The following SDK1 variants were observed in gnomAD, a reference collection of about 807,000 sequenced individuals.
SDK1 encodes the protein sidekick cell adhesion molecule 1, also known as protein sidekick-1.
SDK1 carries 157 observed loss-of-function variants against 245.5 expected under a neutral mutation model. The observed-to-expected ratio is 0.64, with a 90% CI of 0.56 to 0.73. The LOEUF (loss-of-function observed/expected upper bound fraction) is 0.73. Among genes scored for constraint, SDK1 ranks in the 30% least tolerant of loss-of-function variants. SDK1 has a pLI of 0.00. For missense variants in SDK1, 3,583 were observed against 3,002.3 expected (o/e 1.19, Z -4.52); for synonymous variants, 1,647 against 1,278.5 (o/e 1.29, Z -6.15).
intron 4 of SDK1, among the ~76,000 whole-genome samples, chr7:3,681,928 A>C (rs892374863): frequency 6.6e-6 from 1 of 152,196 alleles, no homozygotes; most frequent in East Asian, 1.9e-4. Flanking sequence ...TACAGTCCCT[A>C]TACTGTATGT....
intron 1 of SDK1, among the ~76,000 whole-genome samples, chr7:3,448,635 G>C (rs1416301056): frequency 6.6e-6 from 1 of 151,790 alleles, no homozygotes; most frequent in Non-Finnish European, 1.5e-5. Flanking sequence ...TTCTATATAT[G>C]GTGAGATATG....
intron 5 of SDK1, among the ~76,000 whole-genome samples, chr7:3,941,057 C>A (rs978943116): frequency 4.6e-5 from 7 of 152,012 alleles, no homozygotes; most frequent in Non-Finnish European, 1.0e-4. Flanking sequence ...CTGCCACTCC[C>A]AGACCCCCGT....
At chr7:3,893,147 A>G (rs755693822) in intron 5 of SDK1, among the ~76,000 whole-genome samples, 3 of 152,128 alleles carry the variant, frequency 2.0e-5, no homozygotes, top group Non-Finnish European at 4.4e-5. Flanking sequence ...GGGTAGGATA[A>G]TTATTTTATA....
At chr7:3,317,894 T>C (rs964268801) in intron 1 of SDK1, among the ~76,000 whole-genome samples, 1 of 152,226 alleles carries the variant, frequency 6.6e-6, no homozygotes, top group Non-Finnish European at 1.5e-5. Flanking sequence ...CAGTTTTTAT[T>C]ATGCAGTGCT....
At chr7:3,525,726 C>T (rs754329470) in intron 1 of SDK1, among the ~76,000 whole-genome samples, 16 of 152,090 alleles carry the variant, frequency 1.1e-4, no homozygotes, top group Non-Finnish European at 1.6e-4. Context: ...ATGACTTCTC[C>T]CAAATGCCCT....
Position 3,870,455 on chromosome 7 carries a change from A to T in SDK1, c.847+48872A>T, listed in dbSNP as rs112300507. Among the ~76,000 whole-genome samples the T allele has an allele frequency of 1.2e-3, 178 of 152,216 alleles. 2 individuals are homozygous for T. Among genetic ancestry groups the T allele is most frequent in the African/African-American group, 1.3e-3 (55 of 41,542 alleles). ...AGCGGGTGTCATAATTTTAAAGTAA[A>T]TAGTTTTTATTCCTGTCTCCCACTG... On this transcript the variant is annotated intron_variant, in intron 5 of 44. Transcript: ENST00000404826.
chr7:4,061,871 C>G (rs1462847885), intron 19 of SDK1, among the ~76,000 whole-genome samples: 1 of 150,800 alleles, frequency 6.6e-6, no homozygotes, highest in African/African-American at 2.4e-5. Context: ...TCTCAGTAAA[C>G]TATCGCAAGA....
At chr7:3,580,059 G>T (rs545571625) in intron 1 of SDK1, among the ~76,000 whole-genome samples, 3 of 152,244 alleles carry the variant, frequency 2.0e-5, no homozygotes, top group Admixed American at 6.5e-5. Context: ...CAAACATAAT[G>T]TAATACCTAG....
chr7:3,360,940 A>G (rs1014176812), intron 1 of SDK1, among the ~76,000 whole-genome samples: 2 of 152,222 alleles, frequency 1.3e-5, no homozygotes, highest in African/African-American at 4.8e-5. Context: ...GTTATTCAAC[A>G]CGTTTGAATA....
At chr7:3,660,720 C>T (rs2217608) in intron 4 of SDK1, among the ~76,000 whole-genome samples, 94,119 of 152,096 alleles carry the variant, frequency 0.62, 29,510 homozygotes, top group South Asian at 0.76. Context: ...AGGATGATTT[C>T]TCTTCATGTT....
chr7:3,458,648 A>G (rs1170097958), intron 1 of SDK1, among the ~76,000 whole-genome samples: 1 of 152,128 alleles, frequency 6.6e-6, no homozygotes, highest in Non-Finnish European at 1.5e-5. Flanking sequence ...AGTAGGAGGT[A>G]GATAGAGGTC....
intron 42 of SDK1, among the ~76,000 whole-genome samples, chr7:4,238,288 C>G (rs759992720): frequency 2.6e-5 from 4 of 152,004 alleles, no homozygotes; most frequent in Non-Finnish European, 5.9e-5. Flanking sequence ...CCATGTTGGC[C>G]AGGCTGGTCT....
intron 29 of SDK1, among the ~76,000 whole-genome samples, chr7:4,148,582 G>C (rs73671587): frequency 0.056 from 8,469 of 152,268 alleles, 521 homozygotes; most frequent in African/African-American, 0.15. Flanking sequence ...AAGGTGGACT[G>C]AGCACAACAT....
In SDK1 at chr7:4,025,806, C is replaced by T. The variant is rs182342553; in HGVS notation, c.2602+8454C>T. 1.2e-4 allele frequency among the ~76,000 whole-genome samples: 19 copies of T among 152,350 alleles called. No homozygotes were observed. The East Asian group carries it at 3.7e-3, about 29-fold the overall frequency. ...CCATAGCCTGCCTTCTGCCCTGACTCTTGCTGTCTCGAAGTCTCGGAAGAA... is the reference window on the plus strand; with the variant it reads ...CCATAGCCTGCCTTCTGCCCTGACTTTTGCTGTCTCGAAGTCTCGGAAGAA... On this transcript the variant is annotated intron_variant, in intron 17 of 44. Transcript: ENST00000404826.
At chr7:4,164,673 C>T (rs1256940249) in intron 32 of SDK1, among the ~76,000 whole-genome samples, 1 of 152,226 alleles carries the variant, frequency 6.6e-6, no homozygotes, top group East Asian at 1.9e-4. Flanking sequence ...GATGCGTCAC[C>T]TCCTCCAAAC....
At position 3,339,742 on chromosome 7, in the gene SDK1, A is replaced by T. The variant is rs1357229657; in HGVS notation, c.298+37858A>T. 3.3e-5 allele frequency among the ~76,000 whole-genome samples: 5 copies of T among 152,272 alleles called. No individual in the cohort carries two copies. In the East Asian group the frequency reaches 9.7e-4, roughly 29 times the overall value. Reference sequence around the variant, plus strand: ...GTAGCTTAAAGCAGTCCCAAGAGGGAAATTTATAGCACTGTTATAAATTAA... The same window carrying T: ...GTAGCTTAAAGCAGTCCCAAGAGGGTAATTTATAGCACTGTTATAAATTAA... On this transcript the variant is annotated intron_variant, in intron 1 of 44. Coordinates refer to ENST00000404826, the MANE Select transcript of SDK1 (RefSeq NM_152744.4).
At chr7:3,777,021 C>A (rs1225267837) in intron 4 of SDK1, among the ~76,000 whole-genome samples, 1 of 152,164 alleles carries the variant, frequency 6.6e-6, no homozygotes, top group Non-Finnish European at 1.5e-5. Context: ...TGCCCCAGCG[C>A]CTCAGATACC....
chr7:3,872,580 CTTT>C (rs57740560), intron 5 of SDK1, among the ~76,000 whole-genome samples: 3 of 140,088 alleles, frequency 2.1e-5, no homozygotes, highest in Admixed American at 7.1e-5. Flanking sequence ...TTTTTGGTAT[CTTT>C]TTTTTTTTTT....
intron 43 of SDK1, among the ~76,000 whole-genome samples, chr7:4,243,469 C>T (rs527437056): frequency 1.4e-4 from 21 of 152,278 alleles, no homozygotes; most frequent in Non-Finnish European, 2.8e-4. Flanking sequence ...GTAGTTTATA[C>T]AGGAAAGAGG....
Sources: gnomAD v4.1 joint callset for allele counts (sites outside exome capture counted in the v4.1 genomes callset) on GRCh38, gnomAD v4.1.1 for gene constraint, MANE v1.5 for transcripts, NCBI Gene and HGNC (gene_info 2026-07-23, HGNC 2026-07-21) for gene names.